The following RAB23 variants were observed in gnomAD, a reference collection of about 807,000 sequenced individuals.
RAB23 encodes ras-related protein Rab-23.
RAB23 carries 15 observed loss-of-function variants against 30.0 expected under a neutral mutation model. That is an observed-to-expected ratio of 0.50 (90% CI 0.33 to 0.77). The LOEUF is 0.77. Among genes scored for constraint, RAB23 ranks in the 30% least tolerant of loss-of-function variants. RAB23 has a pLI of 0.02. For synonymous variants in RAB23, 93 were observed against 94.0 expected, an observed-to-expected ratio of 0.99 and a Z score of 0.06; for missense variants, 243 against 275.4, an observed-to-expected ratio of 0.88 and a Z score of 0.83.
At chr6:57,218,781 G>A (rs1765943006) in intron 1 of RAB23, among the ~76,000 whole-genome samples, 1 of 151,890 alleles carries the variant, frequency 6.6e-6, no homozygotes, top group Admixed American at 6.6e-5. Context: ...GAACCCGGGA[G>A]GCAGAGGTTG....
intron 3 of RAB23, among the ~76,000 whole-genome samples, chr6:57,198,331 G>A (rs542160268): frequency 4.6e-5 from 7 of 152,202 alleles, no homozygotes; most frequent in East Asian, 1.9e-4. Flanking sequence ...TGGCTAACAC[G>A]GTGAAACCCC....
chr6:57,202,349 A>ATT (rs1765300420), intron 3 of RAB23, among the ~76,000 whole-genome samples: 1 of 152,188 alleles, frequency 6.6e-6, no homozygotes, highest in African/African-American at 2.4e-5. Context: ...GGTAGACTAA[A>ATT]CCTATTCTCT....
At chr6:57,191,181 G>C (rs536668756) in intron 6 of RAB23, among the ~76,000 whole-genome samples, 2 of 152,010 alleles carry the variant, frequency 1.3e-5, no homozygotes, top group Non-Finnish European at 2.9e-5. Flanking sequence ...TAGCTAATAC[G>C]CATGGTACAA....
chr6:57,214,015 C>G (rs1177635696), intron 1 of RAB23, among the ~76,000 whole-genome samples: 2 of 151,906 alleles, frequency 1.3e-5, no homozygotes, highest in Non-Finnish European at 2.9e-5. Context: ...AATGAAGGCA[C>G]CCCCCACCCC....
intron 3 of RAB23, 128 bp downstream of exon 3, chr6:57,207,500 A>T (rs1765491922): frequency 1.5e-6 from 1 of 671,066 alleles, no homozygotes; most frequent in Admixed American, 2.6e-5. Flanking sequence ...GGTTTTAAAA[A>T]ATACTTTGAA....
At chr6:57,215,406 G>T in intron 1 of RAB23, among the ~76,000 whole-genome samples, 1 of 152,304 alleles carries the variant, frequency 6.6e-6, no homozygotes, top group South Asian at 2.1e-4. Flanking sequence ...TTTGAAAGCA[G>T]CCAGAGAAAA....
chr6:57,216,182 C>T (rs1409533790), intron 1 of RAB23, among the ~76,000 whole-genome samples: 1 of 152,174 alleles, frequency 6.6e-6, no homozygotes, highest in Non-Finnish European at 1.5e-5. Flanking sequence ...GCTCTAATAG[C>T]ATACAGCCTA....
At chr6:57,220,442 T>C (rs368474604) in intron 1 of RAB23, among the ~76,000 whole-genome samples, 7 of 152,186 alleles carry the variant, frequency 4.6e-5, no homozygotes, top group African/African-American at 1.7e-4. Context: ...TGCAAAAACC[T>C]GTACATGGTA....
chr6:57,189,994 G>T lies in RAB23; in HGVS notation c.*467C>A, dbSNP rs543146431. 88 of 196,902 alleles carry T rather than the reference G, an allele frequency of 4.5e-4. No homozygotes were observed. The highest frequency in any genetic ancestry group is 2.0e-3 in the African/African-American group (85 of 42,166). The allele number at this position is 196,902 out of a possible 1,614,324, so 12.2% of individuals were successfully genotyped here. On this transcript the variant is annotated 3_prime_UTR_variant, in exon 7 of 7. Coordinates refer to ENST00000468148, the MANE Select transcript of RAB23 (RefSeq NM_016277.5). ...AATGCCAAAATACTAATGCAGTCTGGCAAGATTTAGGGTTTACCTTTCAGT... is the reference window on the plus strand; with the variant it reads ...AATGCCAAAATACTAATGCAGTCTGTCAAGATTTAGGGTTTACCTTTCAGT...
chr6:57,205,111 G>GT (rs1176735986), intron 3 of RAB23, among the ~76,000 whole-genome samples: 9 of 148,964 alleles, frequency 6.0e-5, no homozygotes, highest in African/African-American at 2.2e-4. Flanking sequence ...TATATACACT[G>GT]TGTGTATATA....
rs1593203720 is a variant in RAB23, at chr6:57,190,324, G to A, written c.*137C>T. 9.8e-7 allele frequency: 1 copy of A among 1,022,638 alleles called. No individual in the cohort carries two copies. The highest frequency in any genetic ancestry group is 2.4e-5 in the East Asian group (1 of 41,308). The allele number at this position is 1,022,638 out of a possible 1,614,324, so 63.3% of individuals were successfully genotyped here. On this transcript the variant is annotated 3_prime_UTR_variant, in exon 7 of 7. Coordinates refer to ENST00000468148, the MANE Select transcript of RAB23 (RefSeq NM_016277.5). ...TCTACATTCTGAAAAGCACTGCAGA[G>A]CAATATTTAAGTCTGTCACTTTCAG...
chr6:57,193,815 A>G (rs1305118029), intron 6 of RAB23, 27 bp downstream of exon 6: 2 of 1,609,826 alleles, frequency 1.2e-6, no homozygotes, highest in Non-Finnish European at 8.5e-7. Context: ...CCAAGTAAAC[A>G]TGGGCTAAAA....
At position 57,189,506 on chromosome 6, in the gene RAB23, T is replaced by C. The variant is rs1764748870; in HGVS notation, c.*955A>G. The C allele has an allele frequency of 6.6e-6, 1 of 152,262 alleles. No homozygotes were observed. Among genetic ancestry groups the C allele is most frequent in the South Asian group, 2.1e-4 (1 of 4,834 alleles). 9.4% of individuals were successfully genotyped at this position (152,262 alleles called of 1,614,324 possible). The stretch of plus-strand genomic sequence containing the variant: ...ACCTCCTGAATGACTGCAGATGTGC[T>C]GTGTACCTTCTTAAGGGGCTTTGGC... On this transcript the variant is annotated 3_prime_UTR_variant, in exon 7 of 7. Transcript: ENST00000468148.
Position 57,215,657 on chromosome 6 carries a change from A to G in RAB23, c.-65-5212T>C, listed in dbSNP as rs563192481. On this transcript the variant is annotated intron_variant, in intron 1 of 6. Transcript: ENST00000468148. ...AAAAGAACAGCTAATGGAAGTTCTC[A>G]GTGGAAAAGAAATAATTTTTTAAAA... Among the ~76,000 whole-genome samples the G allele has an allele frequency of 3.9e-5, 6 of 152,276 alleles. No homozygotes were observed. The East Asian group carries it at 1.2e-3, about 29-fold the overall frequency.
chr6:57,196,674 G>A, intron 3 of RAB23, 68 bp from the exon 4 acceptor site: 1 of 1,557,810 alleles, frequency 6.4e-7, no homozygotes. Flanking sequence ...TTTACATTAA[G>A]AAAACAATCT....
chr6:57,209,023 A>G (rs1337669554), intron 2 of RAB23, among the ~76,000 whole-genome samples: 1 of 152,212 alleles, frequency 6.6e-6, no homozygotes, highest in African/African-American at 2.4e-5. Context: ...GCCTTCCTAT[A>G]CTTAGGAATG....
Position 57,221,801 on chromosome 6 carries a change from A to C in RAB23, c.-141T>G, listed in dbSNP as rs1202491213. The stretch of plus-strand genomic sequence containing the variant: ...TAGCTGGAACTTGGGATCGGTGCTC[A>C]GGGAGGGGAGAGCCGGCGCTCGGCG... On this transcript the variant is annotated 5_prime_UTR_variant, in exon 1 of 7. Transcript: ENST00000468148. The C allele has an allele frequency of 6.6e-6, 1 of 152,314 alleles. No homozygotes were observed. Among genetic ancestry groups the C allele is most frequent in the Non-Finnish European group, 1.5e-5 (1 of 68,150 alleles). 9.4% of individuals were successfully genotyped at this position (152,314 alleles called of 1,614,324 possible).
At chr6:57,220,983 G>A (rs569798575) in intron 1 of RAB23, among the ~76,000 whole-genome samples, 6 of 151,938 alleles carry the variant, frequency 3.9e-5, no homozygotes, top group South Asian at 2.1e-4. Context: ...AAACAATTAC[G>A]TTCCTAGAAA....
At position 57,194,793 on chromosome 6, in the gene RAB23, T is replaced by C. The variant is rs1250287770; in HGVS notation, c.458A>G (p.Lys153Arg). ...ACCTTCATTCACATTTAGATCTTCTTTCACTGATGTTCTGTAGAATCTTAA... is the reference window on the plus strand; with the variant it reads ...ACCTTCATTCACATTTAGATCTTCTCTCACTGATGTTCTGTAGAATCTTAA... Reference protein sequence around the residue: ...LKLRFYRTSVKEDLNVNEVFK... With the variant: ...LKLRFYRTSVREDLNVNEVFK... The change falls in exon 5 of 7, where the codon AAA becomes AGA. Residue 153 changes from lysine to arginine, a missense_variant. Physicochemically the swap from Lys to Arg is conservative, Grantham distance 26. Coordinates refer to ENST00000468148, the MANE Select transcript of RAB23 (RefSeq NM_016277.5). 1 of 1,613,144 alleles carries C rather than the reference T, an allele frequency of 6.2e-7. No homozygotes were observed. Among genetic ancestry groups the C allele is most frequent in the Non-Finnish European group, 8.5e-7 (1 of 1,179,294 alleles).
Sources: gnomAD v4.1 joint callset for allele counts (sites outside exome capture counted in the v4.1 genomes callset) on GRCh38, gnomAD v4.1.1 for gene constraint, MANE v1.5 for transcripts, NCBI Gene and HGNC (gene_info 2026-07-23, HGNC 2026-07-21) for gene names.